CAMK4: variants seen among roughly 807,000 people sequenced by gnomAD.
CAMK4 encodes calcium/calmodulin-dependent protein kinase type IV.
A neutral mutation model predicts 44.9 loss-of-function variants in CAMK4; 22 were observed. The ratio of observed to expected loss-of-function variants is 0.49; its 90% confidence interval spans 0.35 to 0.70. CAMK4 has a LOEUF of 0.70. CAMK4 is among the 30% of genes least tolerant of loss of function. The pLI, the probability that CAMK4 is intolerant of heterozygous loss-of-function variation, is 0.01. For synonymous variants in CAMK4, 218 were observed against 215.4 expected, an observed-to-expected ratio of 1.01 and a Z score of -0.11; for missense variants, 498 against 586.8, an observed-to-expected ratio of 0.85 and a Z score of 1.56.
chr5:111,294,064 C>T (rs1747389222), intron 1 of CAMK4, among the ~76,000 whole-genome samples: 1 of 152,082 alleles, frequency 6.6e-6, no homozygotes, highest in African/African-American at 2.4e-5. Flanking sequence ...TTAAAAATGA[C>T]TTGCTTTCAT....
At chr5:111,476,673 A>AT (rs1755258118) in intron 8 of CAMK4, among the ~76,000 whole-genome samples, 1 of 152,120 alleles carries the variant, frequency 6.6e-6, no homozygotes, top group South Asian at 2.1e-4. Context: ...AATGAAGGCC[A>AT]TTCTATTTTT....
rs935872409 is a variant in CAMK4 at position 111,368,713 on chromosome 5, T to G, written c.241-6137T>G. The stretch of plus-strand genomic sequence containing the variant: ...GCTGGTTTCCTTGGTCATCATTACT[T>G]AGACTCGTAAATCAGGTTTTGTTGC... On this transcript the variant is annotated intron_variant, in intron 2 of 10. Transcript: ENST00000282356. Among the ~76,000 whole-genome samples, 6 of 152,132 alleles carry G rather than the reference T, an allele frequency of 3.9e-5. No homozygotes were observed. In the South Asian group the frequency reaches 1.2e-3, roughly 31 times the overall value.
Position 111,224,787 on chromosome 5 carries a change from A to C in CAMK4, c.161+143A>C. 1 of 816,838 alleles carries C rather than the reference A, an allele frequency of 1.2e-6. No individual in the cohort carries two copies. The highest frequency in any genetic ancestry group is 1.8e-6 in the Non-Finnish European group (1 of 542,280). 50.6% of individuals were successfully genotyped at this position (816,838 alleles called of 1,614,324 possible). A position where few individuals can be genotyped will look rare whatever the true frequency, so the allele number is the denominator to read the frequency against. On this transcript the variant is annotated intron_variant, in intron 1 of 10. Transcript: ENST00000282356. The surrounding 1 kb of genome is among the most constrained non-coding windows in gnomAD (Gnocchi z 5.7). The stretch of plus-strand genomic sequence containing the variant: ...TAGTTAGTGTCTTGAGAGAGAGCTA[A>C]CCTTCATTCAGGTGCGGCTCGAGTC...
intron 1 of CAMK4, among the ~76,000 whole-genome samples, chr5:111,230,792 T>C (rs1748431901): frequency 6.6e-6 from 1 of 151,994 alleles, no homozygotes; most frequent in Non-Finnish European, 1.5e-5. Flanking sequence ...TTTTTGTTAA[T>C]ATTTTTTTTC....
At chr5:111,245,085 G>A (rs796437083) in intron 1 of CAMK4, among the ~76,000 whole-genome samples, 1 of 152,048 alleles carries the variant, frequency 6.6e-6, no homozygotes, top group East Asian at 1.9e-4. Context: ...TCACATGGAG[G>A]TAGTACTTTT....
rs1755652172 is a variant in CAMK4 at position 111,486,903 on chromosome 5, T to C, written c.*2437T>C. On this transcript the variant is annotated 3_prime_UTR_variant, in exon 11 of 11. Transcript: ENST00000282356. ...TTTAAATTTTGACTCATGTTAAAGATAAGATTCTGATAATGACTATATAGT... is the reference window on the plus strand; with the variant it reads ...TTTAAATTTTGACTCATGTTAAAGACAAGATTCTGATAATGACTATATAGT... 1 of 152,172 alleles carries C rather than the reference T, an allele frequency of 6.6e-6. No individual in the cohort carries two copies. The highest frequency in any genetic ancestry group is 2.4e-5 in the African/African-American group (1 of 41,440). 9.4% of individuals were successfully genotyped at this position (152,172 alleles called of 1,614,324 possible).
At chr5:111,410,666 A>C (rs1414279766) in intron 5 of CAMK4, among the ~76,000 whole-genome samples, 1 of 152,130 alleles carries the variant, frequency 6.6e-6, no homozygotes, top group Admixed American at 6.6e-5. Context: ...GCGTGATGTG[A>C]ATTTACTATT....
At chr5:111,232,802 C>G (rs9326832) in intron 1 of CAMK4, among the ~76,000 whole-genome samples, 32,362 of 151,300 alleles carry the variant, frequency 0.21, 3,772 homozygotes, top group South Asian at 0.41. Context: ...AATCCCATAG[C>G]CTATGACTAG....
intron 1 of CAMK4, among the ~76,000 whole-genome samples, chr5:111,332,266 T>C (rs1215321870): frequency 7.7e-6 from 1 of 129,280 alleles, no homozygotes; most frequent in Non-Finnish European, 1.6e-5. Flanking sequence ...AGTGTGATGT[T>C]CCCCTTCCTG....
intron 5 of CAMK4, among the ~76,000 whole-genome samples, chr5:111,416,160 A>G (rs960564592): frequency 6.6e-6 from 1 of 152,174 alleles, no homozygotes; most frequent in Non-Finnish European, 1.5e-5. Flanking sequence ...AATTCTTATT[A>G]TGATATACCA....
intron 1 of CAMK4, among the ~76,000 whole-genome samples, chr5:111,329,817 AAAGT>A (rs913082677): frequency 2.0e-5 from 3 of 151,914 alleles, no homozygotes; most frequent in South Asian, 4.1e-4. Context: ...ATCTCTCAGC[AAAGT>A]AAGAAAGAAA....
chr5:111,446,936 T>G (rs34007984), intron 6 of CAMK4, among the ~76,000 whole-genome samples, 160 bp downstream of exon 6: 48,359 of 152,086 alleles, frequency 0.32, 8,200 homozygotes, highest in Non-Finnish European at 0.37. Context: ...TTGGAAGTTT[T>G]TGCTCTTTCC....
chr5:111,429,222 A>G (rs182917509), intron 5 of CAMK4, among the ~76,000 whole-genome samples: 1 of 152,322 alleles, frequency 6.6e-6, no homozygotes, highest in East Asian at 1.9e-4. Flanking sequence ...GAAAAAATAA[A>G]CAGAATTAAC....
At chr5:111,312,887 A>G (rs1490208330) in intron 1 of CAMK4, among the ~76,000 whole-genome samples, 1 of 152,124 alleles carries the variant, frequency 6.6e-6, no homozygotes, top group African/African-American at 2.4e-5. Flanking sequence ...TCACGTTTTA[A>G]TGCGGCCCTC....
At chr5:111,368,347 A>T (rs767689228) in intron 2 of CAMK4, among the ~76,000 whole-genome samples, 2 of 152,128 alleles carry the variant, frequency 1.3e-5, no homozygotes, top group Non-Finnish European at 2.9e-5. Context: ...GGAAAATATT[A>T]TTCATTCTGA....
chr5:111,317,898 T>TAAAAAAAAAAAAAAAAAAAAAAA (rs3066636), intron 1 of CAMK4, among the ~76,000 whole-genome samples: 10 of 69,832 alleles, frequency 1.4e-4, no homozygotes, highest in East Asian at 1.4e-3. Flanking sequence ...GAGTAATATG[T>TAAAAAAAAAAAAAAAAAAAAAAA]AAAAAAAAAA....
chr5:111,355,875 G>A (rs866142183), intron 2 of CAMK4, among the ~76,000 whole-genome samples: 8,949 of 131,276 alleles, frequency 0.068, 357 homozygotes, highest in East Asian at 0.21. Context: ...GTGTATATGT[G>A]CCACATTTTC....
chr5:111,452,725 A>G (rs977358128), intron 7 of CAMK4, among the ~76,000 whole-genome samples: 1 of 152,206 alleles, frequency 6.6e-6, no homozygotes, highest in African/African-American at 2.4e-5. Context: ...ATTTTCTATT[A>G]TTATTTTCTC....
intron 1 of CAMK4, among the ~76,000 whole-genome samples, chr5:111,270,779 C>T (rs1285523549): frequency 2.0e-5 from 3 of 152,200 alleles, no homozygotes; most frequent in Non-Finnish European, 2.9e-5. Flanking sequence ...GAGTGCCAGG[C>T]ACTAGAACCT....
Sources: gnomAD v4.1 joint callset for allele counts (sites outside exome capture counted in the v4.1 genomes callset) on GRCh38, gnomAD v4.1.1 for gene constraint, Gnocchi (gnomAD v3.1) non-coding constraint, MANE v1.5 for transcripts, NCBI Gene and HGNC (gene_info 2026-07-23, HGNC 2026-07-21) for gene names.